The following TNS3 variants were observed in gnomAD, a reference collection of about 807,000 sequenced individuals.
TNS3 encodes the protein tensin-3.
In TNS3, 45 loss-of-function variants were observed where a neutral mutation model predicts 140.9. That is an observed-to-expected ratio of 0.32 (90% CI 0.25 to 0.41). The LOEUF is 0.41. Among genes scored for constraint, TNS3 ranks in the 10% least tolerant of loss-of-function variants. The pLI is 1.00. For missense variants in TNS3, 1,716 were observed against 1,906.7 expected (o/e 0.90, Z 1.86); for synonymous variants, 815 against 788.4 (o/e 1.03, Z -0.56).
chr7:47,457,220 C>G (rs1796298847), intron 4 of TNS3, among the ~76,000 whole-genome samples: 1 of 146,768 alleles, frequency 6.8e-6, no homozygotes, highest in African/African-American at 2.5e-5. Context: ...TCGATGTATC[C>G]TCTGTCCATT....
At chr7:47,296,454 G>C (rs748301232) in intron 24 of TNS3, among the ~76,000 whole-genome samples, 1 of 152,118 alleles carries the variant, frequency 6.6e-6, no homozygotes, top group Non-Finnish European at 1.5e-5. Context: ...CCCATTACTG[G>C]GTATTATACC....
chr7:47,576,584 G>A (rs973703325), intron 1 of TNS3, among the ~76,000 whole-genome samples: 3 of 152,214 alleles, frequency 2.0e-5, no homozygotes, highest in African/African-American at 7.2e-5. Flanking sequence ...AGGTGGAGAA[G>A]AATGCCAGGA....
At chr7:47,320,987 C>T (rs1008010512) in intron 20 of TNS3, among the ~76,000 whole-genome samples, 5 of 152,240 alleles carry the variant, frequency 3.3e-5, no homozygotes, top group Admixed American at 2.0e-4. Context: ...TGAAAACTGA[C>T]ATGAGGCATG....
chr7:47,518,145 C>A (rs114500810), intron 2 of TNS3, among the ~76,000 whole-genome samples: 3,184 of 152,282 alleles, frequency 0.021, 101 homozygotes, highest in African/African-American at 0.071. Context: ...TCCCACAGCA[C>A]CATTTCCTCA....
intron 1 of TNS3, among the ~76,000 whole-genome samples, chr7:47,532,846 T>C (rs936699025): frequency 1.3e-5 from 2 of 151,990 alleles, no homozygotes; most frequent in Admixed American, 6.6e-5. Flanking sequence ...TACAGAGGTA[T>C]AGTATAAACC....
chr7:47,390,244 CAAA>C (rs1159123766), intron 16 of TNS3, among the ~76,000 whole-genome samples: 1 of 152,208 alleles, frequency 6.6e-6, no homozygotes, highest in African/African-American at 2.4e-5. Context: ...CTTCAATTTC[CAAA>C]TCTTAAAACC....
rs61731311 is a variant in TNS3, at chr7:47,345,016, T to G, written c.2474A>C (p.Gln825Pro). The change falls in exon 19 of 31, where the codon CAG becomes CCG. Residue 825 changes from glutamine to proline, a missense_variant. Around this residue, in one of 3 missense-constraint regions of TNS3, gnomAD observed 1,163 missense variants for 1,182.1 expected, o/e 0.98. Coordinates refer to ENST00000311160, the MANE Select transcript of TNS3 (RefSeq NM_022748.12). ...VKETMTPGYP[Q>P]DLDIIDGRIL... ...TCTGCCATCGATAATATCGAGGTCC[T>G]GGGGATAGCCAGGGGTCATCGTCTG... The G allele has an allele frequency of 6.8e-6, 11 of 1,613,996 alleles. No individual in the cohort carries two copies. Among genetic ancestry groups the G allele is most frequent in the Non-Finnish European group, 7.6e-6 (9 of 1,180,028 alleles).
At chr7:47,459,584 T>C (rs138438837) in intron 4 of TNS3, among the ~76,000 whole-genome samples, 70 of 152,100 alleles carry the variant, frequency 4.6e-4, no homozygotes, top group Admixed American at 1.4e-3. Context: ...AGAATGTAAA[T>C]TCCCCCACAA....
chr7:47,380,607 CT>C (rs1791695119), intron 16 of TNS3, among the ~76,000 whole-genome samples: 1 of 152,238 alleles, frequency 6.6e-6, no homozygotes, highest in South Asian at 2.1e-4. Context: ...CCCTCTCCTC[CT>C]GGCTAGTACC....
chr7:47,360,846 G>A (rs1341424898), intron 17 of TNS3, among the ~76,000 whole-genome samples: 1 of 152,260 alleles, frequency 6.6e-6, no homozygotes, highest in East Asian at 1.9e-4. Context: ...ACTGGGCACT[G>A]CTCAGTTATA....
intron 8 of TNS3, among the ~76,000 whole-genome samples, chr7:47,430,134 T>TC (rs1273030660): frequency 5.1e-5 from 3 of 59,248 alleles, no homozygotes; most frequent in African/African-American, 1.5e-4. Context: ...TTCTTTTCTT[T>TC]TTTTTTTTTT....
intron 23 of TNS3, among the ~76,000 whole-genome samples, chr7:47,301,303 A>G (rs1166697405): frequency 2.0e-5 from 3 of 152,154 alleles, no homozygotes; most frequent in Non-Finnish European, 4.4e-5. Flanking sequence ...CACTGGAGGC[A>G]TGGCCCTGCC....
chr7:47,469,382 AT>A (rs1388159109), intron 4 of TNS3, among the ~76,000 whole-genome samples: 1 of 152,256 alleles, frequency 6.6e-6, no homozygotes, highest in Non-Finnish European at 1.5e-5. Flanking sequence ...AATGGCTATT[AT>A]TAAAAAGTCA....
chr7:47,562,255 CA>C (rs1562857996), intron 1 of TNS3, among the ~76,000 whole-genome samples: 1 of 152,076 alleles, frequency 6.6e-6, no homozygotes, highest in Non-Finnish European at 1.5e-5. Context: ...TTTTCCTCAA[CA>C]GAGTTCTGCA....
intron 10 of TNS3, among the ~76,000 whole-genome samples, chr7:47,423,179 T>A (rs1794469911): frequency 6.6e-6 from 1 of 152,234 alleles, no homozygotes; most frequent in Non-Finnish European, 1.5e-5. Flanking sequence ...AAAACTTGCA[T>A]ACACAAGGTC....
chr7:47,555,435 A>G (rs929676613), intron 1 of TNS3, among the ~76,000 whole-genome samples: 14 of 152,154 alleles, frequency 9.2e-5, no homozygotes, highest in African/African-American at 3.4e-4. Flanking sequence ...ACACAAATGT[A>G]ATTGTGTAAA....
chr7:47,440,193 T>G (rs972697997), intron 5 of TNS3, among the ~76,000 whole-genome samples: 2 of 151,942 alleles, frequency 1.3e-5, no homozygotes, highest in Non-Finnish European at 2.9e-5. Flanking sequence ...CGGCCAAGGA[T>G]GAGGCTGGTG....
At chr7:47,479,760 T>C (rs1192301236) in intron 4 of TNS3, among the ~76,000 whole-genome samples, 1 of 152,222 alleles carries the variant, frequency 6.6e-6, no homozygotes, top group Non-Finnish European at 1.5e-5. Flanking sequence ...AGGAGCATAA[T>C]AAGGGCACCC....
At chr7:47,380,178 G>A (rs1791664384) in intron 16 of TNS3, among the ~76,000 whole-genome samples, 1 of 152,208 alleles carries the variant, frequency 6.6e-6, no homozygotes, top group Non-Finnish European at 1.5e-5. Flanking sequence ...CGCCGCCAAG[G>A]TGCCCCCACA....
Sources: gnomAD v4.1 joint callset for allele counts (sites outside exome capture counted in the v4.1 genomes callset) on GRCh38, gnomAD v4.1.1 for gene constraint, gnomAD v4.1.1 regional missense constraint, MANE v1.5 for transcripts, NCBI Gene and HGNC (gene_info 2026-07-23, HGNC 2026-07-21) for gene names.